Variants in NEDD9 observed in about 807,000 individuals in gnomAD.
NEDD9 encodes neural precursor cell expressed, developmentally down-regulated 9, also known as enhancer of filamentation 1.
In NEDD9, 26 loss-of-function variants were observed where a neutral mutation model predicts 76.6. The ratio of observed to expected loss-of-function variants is 0.34; its 90% CI spans 0.25 to 0.47. NEDD9 has a LOEUF of 0.47. Ranked by LOEUF, NEDD9 falls within the 20% of genes least tolerant of loss-of-function variation. The pLI is 1.00. For missense variants in NEDD9, 937 were observed against 1,058.5 expected, an observed-to-expected ratio of 0.89 and a Z score of 1.59; for synonymous variants, 392 against 414.2, an observed-to-expected ratio of 0.95 and a Z score of 0.65.
At chr6:11,316,110 G>A (rs770431778) in intron 2 of NEDD9, among the ~76,000 whole-genome samples, 2 of 152,088 alleles carry the variant, frequency 1.3e-5, no homozygotes, top group African/African-American at 4.8e-5. Context: ...CAGCACTCTT[G>A]GATGCTGACT....
intron 5 of NEDD9, 149 bp downstream of exon 5, chr6:11,189,815 A>C: frequency 9.8e-7 from 1 of 1,025,254 alleles, no homozygotes. Flanking sequence ...TTACTACTCT[A>C]CGACACTCCC....
At chr6:11,297,050 A>G (rs1022837297) in intron 3 of NEDD9, among the ~76,000 whole-genome samples, 1 of 151,926 alleles carries the variant, frequency 6.6e-6, no homozygotes, top group Non-Finnish European at 1.5e-5. Flanking sequence ...TTTTCTTTAG[A>G]TAAACTATAA....
chr6:11,224,756 A>G (rs1266546106), intron 1 of NEDD9, among the ~76,000 whole-genome samples: 1 of 152,078 alleles, frequency 6.6e-6, no homozygotes, highest in African/African-American at 2.4e-5. Flanking sequence ...TTATTTTGGG[A>G]GGCGGAGGGT....
rs1762857652 is a variant in NEDD9 at position 11,370,564 on chromosome 6, C to T, written c.-214+11575G>A. On this transcript the variant is annotated intron_variant, in intron 1 of 3. Transcript: ENST00000397378. The surrounding 1 kb of genome is among the most constrained non-coding windows in gnomAD (Gnocchi z 4.2). ...TTCTTCCCCTCACAATCTCCTCATG[C>T]TTTTCTGTGTCCTTCCCGTTTTGCA... Among the ~76,000 whole-genome samples, 2 of 152,182 alleles carry T rather than the reference C, an allele frequency of 1.3e-5. No individual in the cohort carries two copies. Among genetic ancestry groups the T allele is most frequent in the South Asian group, 4.1e-4 (2 of 4,824 alleles).
chr6:11,250,962 G>A (rs777381466), intron 3 of NEDD9, among the ~76,000 whole-genome samples: 13 of 152,256 alleles, frequency 8.5e-5, no homozygotes, highest in African/African-American at 3.1e-4. Context: ...TAGGTACTGG[G>A]CCTGGATTTT....
At chr6:11,369,944 T>C (rs143766049) in intron 1 of NEDD9, among the ~76,000 whole-genome samples, 219 of 152,348 alleles carry the variant, frequency 1.4e-3, no homozygotes, top group Admixed American at 3.2e-3. Flanking sequence ...AAATCTCTGC[T>C]AGGTCGAACT....
intron 1 of NEDD9, among the ~76,000 whole-genome samples, chr6:11,343,821 T>C (rs143653158): frequency 2.6e-3 from 398 of 152,282 alleles, no homozygotes; most frequent in African/African-American, 8.8e-3. Flanking sequence ...CTAATTCCAA[T>C]TTACAGGGCA....
In NEDD9 at chr6:11,337,715, A is replaced by C. The variant is rs549659812; in HGVS notation, c.-213-3154T>G. On this transcript the variant is annotated intron_variant, in intron 1 of 3. Transcript: ENST00000397378. ...CAGTATCGGGCATCAGTAGGTGTTT[A>C]ATAAACATTGCTGTGTGCACATGCC... Among the ~76,000 whole-genome samples, 7 of 152,302 alleles carry C rather than the reference A, an allele frequency of 4.6e-5. No homozygotes were observed. In the South Asian group the frequency reaches 1.5e-3, roughly 32 times the overall value.
intron 3 of NEDD9, among the ~76,000 whole-genome samples, chr6:11,285,269 T>C (rs541475059): frequency 2.2e-3 from 329 of 152,222 alleles, no homozygotes; most frequent in African/African-American, 7.1e-3. Flanking sequence ...ACTTTGATAC[T>C]GAGAAATGAT....
intron 3 of NEDD9, among the ~76,000 whole-genome samples, chr6:11,193,293 A>G (rs1758206879): frequency 6.6e-6 from 1 of 152,024 alleles, no homozygotes; most frequent in Non-Finnish European, 1.5e-5. Flanking sequence ...CCTGGGCAAC[A>G]AAGTGAGATT....
intron 1 of NEDD9, among the ~76,000 whole-genome samples, chr6:11,342,287 G>C (rs1227076722): frequency 6.6e-6 from 1 of 152,078 alleles, no homozygotes; most frequent in Non-Finnish European, 1.5e-5. Flanking sequence ...TGAAGAAATA[G>C]TGGCCAAGAG....
intron 1 of NEDD9, among the ~76,000 whole-genome samples, chr6:11,357,934 C>A (rs72832925): frequency 0.22 from 33,333 of 152,102 alleles, 3,877 homozygotes; most frequent in African/African-American, 0.3. Context: ...GTGGGTCCCG[C>A]CTCCAGAGGC....
chr6:11,327,903 G>A (rs1417731777), intron 2 of NEDD9, among the ~76,000 whole-genome samples: 5 of 152,248 alleles, frequency 3.3e-5, no homozygotes, highest in African/African-American at 1.2e-4. Context: ...TCAACAGGGA[G>A]CAGGAATGGA....
intron 1 of NEDD9, among the ~76,000 whole-genome samples, chr6:11,220,018 TAA>T (rs1206246831): frequency 9.9e-5 from 15 of 152,214 alleles, no homozygotes; most frequent in African/African-American, 2.9e-4. Flanking sequence ...GAAGATATGA[TAA>T]GTTATGATAT....
At chr6:11,259,710 A>G (rs1431464106) in intron 3 of NEDD9, among the ~76,000 whole-genome samples, 1 of 152,204 alleles carries the variant, frequency 6.6e-6, no homozygotes, top group Non-Finnish European at 1.5e-5. Flanking sequence ...TAGAGAAACA[A>G]ATTGTATCTT....
In NEDD9 at chr6:11,289,437, C is replaced by T. The variant is rs186472076; in HGVS notation, c.12+16555G>A. Among the ~76,000 whole-genome samples the T allele has an allele frequency of 2.0e-5, 3 of 152,148 alleles. No homozygotes were observed. The East Asian group carries it at 5.8e-4, about 29-fold the overall frequency. On this transcript the variant is annotated intron_variant, in intron 3 of 3. Transcript: ENST00000397378. ...AGCACCATACTTTGCAGCCAAATGG[C>T]AGATATTTTATTTTATTTTATTTAT...
intron 3 of NEDD9, among the ~76,000 whole-genome samples, chr6:11,296,679 C>CCTTTCCTTTCCCTT (rs56700039): frequency 4.3e-5 from 4 of 92,856 alleles, no homozygotes; most frequent in Non-Finnish European, 6.1e-5. Flanking sequence ...CCTTTCCTTT[C>CCTTTCCTTTCCCTT]CCTTCCTTCC....
intron 2 of NEDD9, among the ~76,000 whole-genome samples, chr6:11,324,033 C>T (rs1761870111): frequency 6.6e-6 from 1 of 152,158 alleles, no homozygotes; most frequent in Non-Finnish European, 1.5e-5. Flanking sequence ...GCTGAGGAGC[C>T]ACGTCCAGAC....
upstream of NEDD9, among the ~76,000 whole-genome samples, chr6:11,234,464 G>A (rs1053422691): frequency 1.3e-5 from 2 of 152,136 alleles, no homozygotes; most frequent in African/African-American, 2.4e-5. Context: ...AGTGAGTGCT[G>A]TCCCATCCTA....
Sources: allele counts gnomAD v4.1 joint callset (sites outside exome capture counted in the v4.1 genomes callset), GRCh38; gene constraint gnomAD v4.1.1; non-coding constraint Gnocchi (gnomAD v3.1); transcripts MANE v1.5; gene names NCBI Gene and HGNC (gene_info 2026-07-23, HGNC 2026-07-21).